BMP5: variants seen among roughly 807,000 people sequenced by gnomAD.
The protein encoded by BMP5 is bone morphogenetic protein 5.
BMP5 carries 23 observed loss-of-function variants against 46.6 expected under a neutral mutation model. The ratio of observed to expected loss-of-function variants is 0.49; its 90% CI spans 0.35 to 0.70. The LOEUF is 0.70. BMP5 is among the 30% of genes least tolerant of loss of function. The pLI, the probability that BMP5 is intolerant of heterozygous loss-of-function variation, is 0.00. For synonymous variants in BMP5, 204 were observed against 191.9 expected, an observed-to-expected ratio of 1.06 and a Z score of -0.52; for missense variants, 545 against 565.6, an observed-to-expected ratio of 0.96 and a Z score of 0.37.
intron 2 of BMP5, among the ~76,000 whole-genome samples, chr6:55,798,280 C>T (rs1431333122): frequency 2.0e-5 from 3 of 152,096 alleles, no homozygotes; most frequent in Admixed American, 6.6e-5. Flanking sequence ...ACTTCAACAT[C>T]GGGGGAGAGG....
At chr6:55,844,314 A>G (rs1421187955) in intron 1 of BMP5, among the ~76,000 whole-genome samples, 1 of 152,072 alleles carries the variant, frequency 6.6e-6, no homozygotes, top group Non-Finnish European at 1.5e-5. Flanking sequence ...TGGATAATCA[A>G]ATAAAAACAT....
intron 2 of BMP5, among the ~76,000 whole-genome samples, chr6:55,810,341 A>G (rs537476767): frequency 7.2e-5 from 11 of 152,350 alleles, no homozygotes; most frequent in African/African-American, 2.2e-4. Context: ...GCATGGCAGA[A>G]ATGAAAAAAA....
intron 3 of BMP5, among the ~76,000 whole-genome samples, chr6:55,791,510 G>A (rs1582067572): frequency 3.3e-5 from 5 of 152,234 alleles, no homozygotes; most frequent in Admixed American, 3.3e-4. Context: ...TAAAACATTA[G>A]TTTACTCTAG....
intron 5 of BMP5, among the ~76,000 whole-genome samples, chr6:55,759,339 C>T (rs1481657502): frequency 6.6e-6 from 1 of 151,322 alleles, no homozygotes; most frequent in Non-Finnish European, 1.5e-5. Flanking sequence ...AAGTTTAGGA[C>T]AAAAGTATAA....
intron 2 of BMP5, among the ~76,000 whole-genome samples, chr6:55,816,786 T>A (rs967119806): frequency 1.3e-5 from 2 of 151,998 alleles, no homozygotes. Context: ...CTAGTTAAAA[T>A]AGAATTGAGA....
At chr6:55,776,843 A>G (rs1775185324) in intron 3 of BMP5, among the ~76,000 whole-genome samples, 1 of 151,908 alleles carries the variant, frequency 6.6e-6, no homozygotes, top group African/African-American at 2.4e-5. Flanking sequence ...TATTCCAAAG[A>G]CTTTCAATAT....
chr6:55,852,860 G>A (rs1367549881), intron 1 of BMP5, among the ~76,000 whole-genome samples: 3 of 152,022 alleles, frequency 2.0e-5, no homozygotes, highest in Admixed American at 6.6e-5. Flanking sequence ...GGCCAGGCGC[G>A]GAGGCTCACG....
intron 1 of BMP5, among the ~76,000 whole-genome samples, chr6:55,833,334 T>A (rs1776709745): frequency 6.6e-6 from 1 of 152,186 alleles, no homozygotes. Context: ...CCCCTTGATG[T>A]GTGTTCACAG....
chr6:55,857,912 AT>A (rs1359937833), intron 1 of BMP5, among the ~76,000 whole-genome samples: 3 of 151,726 alleles, frequency 2.0e-5, no homozygotes, highest in African/African-American at 7.3e-5. Context: ...TAATTTTTGT[AT>A]TTTCAGTAGA....
intron 2 of BMP5, among the ~76,000 whole-genome samples, chr6:55,816,562 T>C (rs1224688540): frequency 1.3e-5 from 2 of 152,176 alleles, no homozygotes; most frequent in Non-Finnish European, 2.9e-5. Flanking sequence ...TTGAGATTTT[T>C]TAAAAACGTA....
intron 3 of BMP5, among the ~76,000 whole-genome samples, chr6:55,778,241 T>C (rs533289351): frequency 2.6e-5 from 4 of 151,888 alleles, no homozygotes; most frequent in Non-Finnish European, 4.4e-5. Context: ...ATCTGCTAAA[T>C]GGATGGGGTG....
At chr6:55,769,265 T>G (rs1339734230) in intron 4 of BMP5, among the ~76,000 whole-genome samples, 1 of 151,952 alleles carries the variant, frequency 6.6e-6, no homozygotes, top group East Asian at 1.9e-4. Context: ...TTGGAGTCCA[T>G]CTTCTCAAAT....
intron 1 of BMP5, among the ~76,000 whole-genome samples, chr6:55,843,711 A>T (rs547358332): frequency 6.6e-6 from 1 of 152,064 alleles, no homozygotes; most frequent in Non-Finnish European, 1.5e-5. Context: ...TATCATATCA[A>T]ATGCAATCTT....
At chr6:55,764,987 A>G (rs1774885782) in intron 4 of BMP5, among the ~76,000 whole-genome samples, 1 of 152,192 alleles carries the variant, frequency 6.6e-6, no homozygotes, top group Admixed American at 6.5e-5. Flanking sequence ...AATGATAAAT[A>G]TTTGATGTGA....
intron 2 of BMP5, among the ~76,000 whole-genome samples, chr6:55,813,282 T>C (rs1223634600): frequency 6.6e-6 from 1 of 152,112 alleles, no homozygotes; most frequent in Non-Finnish European, 1.5e-5. Flanking sequence ...ATACCAATAA[T>C]GTTCATCATA....
At chr6:55,774,402 A>G (rs1235042222) in intron 3 of BMP5, among the ~76,000 whole-genome samples, 159 bp from the exon 4 acceptor site, 1 of 151,950 alleles carries the variant, frequency 6.6e-6, no homozygotes, top group South Asian at 2.1e-4. Context: ...GAGGCTTACT[A>G]TTACAGACAA....
rs185537050 is a variant in BMP5, at chr6:55,837,500, A to T, written c.491-17653T>A. 5.5e-3 allele frequency among the ~76,000 whole-genome samples: 839 copies of T among 152,118 alleles called. 4 individuals are homozygous for T. Among genetic ancestry groups the T allele is most frequent in the Middle Eastern group, 0.014 (4 of 294 alleles). On this transcript the variant is annotated intron_variant, in intron 1 of 6. Transcript: ENST00000370830. Reference sequence around the variant, plus strand: ...TTCATTAAGTACTCCTTTATTTTTTAAATTTTTTTATTTTGAAGTTTTGTG... The same window carrying T: ...TTCATTAAGTACTCCTTTATTTTTTTAATTTTTTTATTTTGAAGTTTTGTG...
chr6:55,785,873 TAGATTG>T lies in BMP5; in HGVS notation c.832+8400_832+8405del, dbSNP rs1167418313. ...CACTCTAAAATGTTATGGAAAAATT[TAGATTG>T]AGTTTTATGTTTTGCTATGATACTA... On this transcript the variant is annotated intron_variant, in intron 3 of 6. Transcript: ENST00000370830. Among the ~76,000 whole-genome samples the T allele has an allele frequency of 2.6e-5, 4 of 151,822 alleles. No homozygotes were observed. In the East Asian group the frequency reaches 7.7e-4, roughly 29 times the overall value.
intron 1 of BMP5, chr6:55,865,452 G>T (rs755136951): frequency 1.0e-5 from 5 of 496,508 alleles, no homozygotes; most frequent in African/African-American, 1.9e-5. Context: ...CACAGAAAAT[G>T]TTGCTTTTGG....
Sources: gnomAD v4.1 joint callset for allele counts (sites outside exome capture counted in the v4.1 genomes callset) on GRCh38, gnomAD v4.1.1 for gene constraint, MANE v1.5 for transcripts, NCBI Gene and HGNC (gene_info 2026-07-23, HGNC 2026-07-21) for gene names.